Variants in HELZ observed in about 807,000 individuals in gnomAD.
HELZ encodes helicase with zinc finger.
A neutral mutation model predicts 218.2 loss-of-function variants in HELZ; 23 were observed. That is an observed-to-expected ratio of 0.11 (90% CI 0.08 to 0.15). The LOEUF (loss-of-function observed/expected upper bound fraction) is 0.15, where lower values mean the gene tolerates loss of function less well. Among genes scored for constraint, HELZ ranks in the 10% least tolerant of loss-of-function variants. The pLI is 1.00. For synonymous variants in HELZ, 814 were observed against 829.4 expected, an observed-to-expected ratio of 0.98 and a Z score of 0.32; for missense variants, 1,813 against 2,353.7, an observed-to-expected ratio of 0.77 and a Z score of 4.75.
At chr17:67,176,310 G>C (rs2039455589) in intron 13 of HELZ, 1 of 152,160 alleles carries the variant, frequency 6.6e-6, no homozygotes, top group Non-Finnish European at 1.5e-5. Flanking sequence ...ATTATATCAT[G>C]AGCATCATCA....
chr17:67,213,826 C>T (rs1048542098), intron 5 of HELZ, among the ~76,000 whole-genome samples: 5 of 152,106 alleles, frequency 3.3e-5, no homozygotes, highest in Non-Finnish European at 7.3e-5. Flanking sequence ...AGCACATCCA[C>T]GCCATGGAAA....
chr17:67,191,505 G>T (rs1051734762), intron 9 of HELZ, among the ~76,000 whole-genome samples: 2 of 151,936 alleles, frequency 1.3e-5, no homozygotes, highest in Non-Finnish European at 2.9e-5. Flanking sequence ...AGGCTAGAGC[G>T]CAGTGGCACG....
intron 13 of HELZ, among the ~76,000 whole-genome samples, chr17:67,171,168 C>T (rs1707574341): frequency 6.6e-6 from 1 of 152,030 alleles, no homozygotes; most frequent in Non-Finnish European, 1.5e-5. Flanking sequence ...CCCATCTAAG[C>T]ACCAACTATT....
chr17:67,235,997 T>TGATC (rs1391247638), intron 3 of HELZ, among the ~76,000 whole-genome samples: 1 of 152,046 alleles, frequency 6.6e-6, no homozygotes, highest in Non-Finnish European at 1.5e-5. Context: ...CCTGACCTCC[T>TGATC]GATCCGCCCG....
chr17:67,194,072 A>G (rs765868695), intron 8 of HELZ, 30 bp from the exon 9 acceptor site: 62 of 1,479,736 alleles, frequency 4.2e-5, no homozygotes, highest in Non-Finnish European at 2.7e-5. Context: ...TAGTCTTATC[A>G]TTTGAGGCTA....
At chr17:67,118,978 CAA>C (rs1451797959) in intron 27 of HELZ, among the ~76,000 whole-genome samples, 4 of 151,846 alleles carry the variant, frequency 2.6e-5, no homozygotes, top group African/African-American at 4.8e-5. Flanking sequence ...CATCCACTAA[CAA>C]GAGTAAAATT....
chr17:67,174,452 C>T (rs1402607949), intron 13 of HELZ, among the ~76,000 whole-genome samples: 1 of 152,094 alleles, frequency 6.6e-6, no homozygotes, highest in Admixed American at 6.5e-5. Flanking sequence ...CCCTTACCAT[C>T]AAAATGTAAG....
At chr17:67,195,855 TTTTTTTTTTTTTTTG>T (rs1342301935) in intron 7 of HELZ, among the ~76,000 whole-genome samples, 1 of 140,192 alleles carries the variant, frequency 7.1e-6, no homozygotes, top group Non-Finnish European at 1.5e-5. Flanking sequence ...TTTTTTTCTT[TTTTTTTTTTTTTTTG>T]GGACAAAGTC....
intron 26 of HELZ, among the ~76,000 whole-genome samples, chr17:67,121,502 T>C (rs1230317629): frequency 6.6e-6 from 1 of 152,196 alleles, no homozygotes; most frequent in Non-Finnish European, 1.5e-5. Flanking sequence ...TCCTTGGCTG[T>C]CATGATTGTG....
intron 12 of HELZ, among the ~76,000 whole-genome samples, chr17:67,180,664 G>A (rs1390212220): frequency 6.6e-6 from 1 of 152,024 alleles, no homozygotes; most frequent in Admixed American, 6.6e-5. Flanking sequence ...GATTGTCTGA[G>A]CTCAGGAGTT....
intron 7 of HELZ, among the ~76,000 whole-genome samples, chr17:67,195,707 T>C (rs775065887): frequency 3.9e-5 from 6 of 152,032 alleles, no homozygotes; most frequent in Admixed American, 6.6e-5. Context: ...ACATAGAAAT[T>C]AGCTGGCAGC....
At chr17:67,135,265 G>A (rs1307223495) in intron 23 of HELZ, among the ~76,000 whole-genome samples, 3 of 152,124 alleles carry the variant, frequency 2.0e-5, no homozygotes, top group African/African-American at 7.2e-5. Context: ...TATCTACATT[G>A]AGAAGCCTTG....
At chr17:67,214,259 CTTTTTTTTTT>C (rs777420102) in intron 5 of HELZ, among the ~76,000 whole-genome samples, 58 of 87,740 alleles carry the variant, frequency 6.6e-4, no homozygotes, top group African/African-American at 2.5e-3. Flanking sequence ...ATTAATATTT[CTTTTTTTTTT>C]TTTTTTTTTT....
chr17:67,232,052 CAAAAA>C (rs754429326), intron 3 of HELZ, among the ~76,000 whole-genome samples: 13 of 42,478 alleles, frequency 3.1e-4, no homozygotes, highest in African/African-American at 7.5e-4. Flanking sequence ...GACTCCATCT[CAAAAA>C]AAAAAAAAAA....
chr17:67,208,964 A>G lies in HELZ; in HGVS notation c.248-5521T>C, dbSNP rs146773784. Among the ~76,000 whole-genome samples the G allele has an allele frequency of 1.5e-3, 227 of 149,808 alleles. 2 individuals are homozygous for G. The highest frequency in any genetic ancestry group is 5.0e-3 in the African/African-American group (202 of 40,726). ...TCAAAAAAAAAGAAAAGAAAAAAGA[A>G]AAGAGAAGAGAAGAGAAAAGAAGAG... On this transcript the variant is annotated intron_variant, in intron 5 of 32. Coordinates refer to ENST00000358691, the MANE Select transcript of HELZ (RefSeq NM_014877.4).
At chr17:67,210,887 A>C (rs2040432568) in intron 5 of HELZ, among the ~76,000 whole-genome samples, 1 of 152,236 alleles carries the variant, frequency 6.6e-6, no homozygotes, top group African/African-American at 2.4e-5. Flanking sequence ...ACGCCACTGC[A>C]TTCTAGCCCA....
chr17:67,119,223 G>A (rs2037522882), intron 27 of HELZ, among the ~76,000 whole-genome samples: 1 of 151,946 alleles, frequency 6.6e-6, no homozygotes, highest in Non-Finnish European at 1.5e-5. Flanking sequence ...TATTCATAAG[G>A]GCCAAAAATT....
rs570138746 is a variant in HELZ, at chr17:67,220,770, G to A, written c.-18-1948C>T. Among the ~76,000 whole-genome samples the A allele has an allele frequency of 2.6e-5, 4 of 151,900 alleles. No individual in the cohort carries two copies. In the South Asian group the frequency reaches 8.3e-4, roughly 32 times the overall value. On this transcript the variant is annotated intron_variant, in intron 3 of 32. Transcript: ENST00000358691. ...GCCAACCAAAGTGCTAGGATTACAGGTGTGAGCCACTGCACCAAGCCTAAA... is the reference window on the plus strand; with the variant it reads ...GCCAACCAAAGTGCTAGGATTACAGATGTGAGCCACTGCACCAAGCCTAAA...
At chr17:67,140,791 C>T (rs1351250136) in intron 21 of HELZ, among the ~76,000 whole-genome samples, 1 of 152,070 alleles carries the variant, frequency 6.6e-6, no homozygotes, top group Admixed American at 6.6e-5. Context: ...ATATTAAAAA[C>T]TAAAGTCAAA....
Sources: gnomAD v4.1 joint callset for allele counts (sites outside exome capture counted in the v4.1 genomes callset) on GRCh38, gnomAD v4.1.1 for gene constraint, MANE v1.5 for transcripts, NCBI Gene and HGNC (gene_info 2026-07-23, HGNC 2026-07-21) for gene names.